Variants in DUSP22 observed in about 807,000 individuals in gnomAD.
DUSP22 encodes dual specificity protein phosphatase 22.
A neutral mutation model predicts 24.5 loss-of-function variants in DUSP22; 24 were observed. That is an observed-to-expected ratio of 0.98 (90% CI 0.71 to 1.38). The LOEUF (loss-of-function observed/expected upper bound fraction) is 1.38. Ranked by LOEUF, DUSP22 falls within the 40% of genes most tolerant of loss-of-function variation. The pLI, the probability that DUSP22 is intolerant of heterozygous loss-of-function variation, is 0.00. For missense variants in DUSP22, 330 were observed against 269.2 expected (o/e 1.23, Z -1.58); for synonymous variants, 160 against 106.4 (o/e 1.50, Z -3.10).
In DUSP22 at chr6:350,479, A is replaced by G. The variant is rs949362667; in HGVS notation, c.*1528A>G. Reference sequence around the variant, plus strand: ...CCACCACAAAAAGAGACCCTGAATAAGAAGAGCAGTTTTCCTGTGCATATA... The same window carrying G: ...CCACCACAAAAAGAGACCCTGAATAGGAAGAGCAGTTTTCCTGTGCATATA... On this transcript the variant is annotated 3_prime_UTR_variant, in exon 7 of 7. Coordinates refer to ENST00000419235, the MANE Select transcript of DUSP22 (RefSeq NM_001286555.3). 17 of 1,182,238 alleles carry G rather than the reference A, an allele frequency of 1.4e-5. No individual in the cohort carries two copies. The African/African-American group carries it at 2.5e-4, about 18-fold the overall frequency. The allele number at this position is 1,182,238 out of a possible 1,614,324, so 73.2% of individuals were successfully genotyped here. A position where few individuals can be genotyped will look rare whatever the true frequency, so the allele number is the denominator to read the frequency against.
At position 348,207 on chromosome 6, in the gene DUSP22, C is replaced by T. The variant is rs1371403572; in HGVS notation, c.368C>T (p.Ser123Phe). Residue 123 changes from serine (S) to phenylalanine (F), a missense_variant, in exon 6 of 7, where the codon TCC becomes TTC. Coordinates refer to ENST00000419235, the MANE Select transcript of DUSP22 (RefSeq NM_001286555.3). ...CTGCACACCGTGCGTGCTGGGAGAT[C>T]CTGTGCCAACCCCAACGTGGGCTTC... ...DALHTVRAGR[S>F]CANPNVGFQR... 6.2e-7 allele frequency: 1 copy of T among 1,614,314 alleles called. No homozygotes were observed. Among genetic ancestry groups the T allele is most frequent in the Admixed American group, 1.7e-5 (1 of 60,038 alleles).
chr6:346,909 G>A (rs1212500103), intron 5 of DUSP22, among the ~76,000 whole-genome samples: 2 of 152,300 alleles, frequency 1.3e-5, no homozygotes, highest in African/African-American at 4.8e-5. Context: ...GTGTTCTGAG[G>A]GCCGATAGGG....
At chr6:297,729 G>A (rs11754886) in intron 1 of DUSP22, among the ~76,000 whole-genome samples, 1 of 152,302 alleles carries the variant, frequency 6.6e-6, no homozygotes, top group Non-Finnish European at 1.5e-5. Context: ...TGTGTGATCT[G>A]GAACTGGAGA....
In DUSP22 at chr6:350,034, C is replaced by G. The variant is rs1482070268; in HGVS notation, c.*1083C>G. 1 of 985,542 alleles carries G rather than the reference C, an allele frequency of 1.0e-6. No individual in the cohort carries two copies. Among genetic ancestry groups the G allele is most frequent in the African/African-American group, 1.7e-5 (1 of 57,268 alleles). The allele number at this position is 985,542 out of a possible 1,614,324, so 61.0% of individuals were successfully genotyped here. A position where few individuals can be genotyped will look rare whatever the true frequency, so the allele number is the denominator to read the frequency against. On this transcript the variant is annotated 3_prime_UTR_variant, in exon 7 of 7. Coordinates refer to ENST00000419235, the MANE Select transcript of DUSP22 (RefSeq NM_001286555.3). ...CTGTAGCAATTTGCATTTTAAAATG[C>G]CTGAGCATTTATTAAGCTTCTTGGT...
At chr6:335,463 C>G (rs1228736907) in intron 4 of DUSP22, among the ~76,000 whole-genome samples, 4 of 152,306 alleles carry the variant, frequency 2.6e-5, no homozygotes, top group Non-Finnish European at 4.4e-5. Flanking sequence ...CATCTTTCCT[C>G]TAGAAATAAA....
chr6:297,563 ACAT>A (rs1384836347), intron 1 of DUSP22, among the ~76,000 whole-genome samples: 7 of 152,286 alleles, frequency 4.6e-5, no homozygotes, highest in African/African-American at 1.7e-4. Flanking sequence ...AGGTTTAGCA[ACAT>A]CTCAGATCTT....
chr6:298,129 T>G (rs1009416430), intron 1 of DUSP22, among the ~76,000 whole-genome samples: 20 of 152,294 alleles, frequency 1.3e-4, no homozygotes, highest in African/African-American at 4.8e-4. Context: ...GAGGGCTCTC[T>G]CTTTTCTCCA....
At chr6:300,753 A>T (rs1354485930) in intron 1 of DUSP22, among the ~76,000 whole-genome samples, 1 of 152,282 alleles carries the variant, frequency 6.6e-6, no homozygotes, top group Non-Finnish European at 1.5e-5. Context: ...ACTCTTCTGC[A>T]TTTATGCATT....
intron 2 of DUSP22, among the ~76,000 whole-genome samples, 192 bp from the exon 3 acceptor site, chr6:311,688 A>AT (rs397757289): frequency 3.5e-4 from 54 of 152,340 alleles, no homozygotes; most frequent in African/African-American, 1.3e-3. Flanking sequence ...TCAAAAAAAA[A>AT]CAAAAGAAAT....
At chr6:337,924 A>G (rs1385799952) in intron 4 of DUSP22, 4 of 152,640 alleles carry the variant, frequency 2.6e-5, no homozygotes, top group African/African-American at 7.2e-5. Flanking sequence ...AAGGCAAACT[A>G]GAAACGTGGG....
At chr6:295,799 CAAAAAA>C (rs61498181) in intron 1 of DUSP22, among the ~76,000 whole-genome samples, 2 of 137,972 alleles carry the variant, frequency 1.4e-5, no homozygotes, top group South Asian at 2.2e-4. Flanking sequence ...GACCCTGTTT[CAAAAAA>C]AAAAAAAAAA....
At position 349,103 on chromosome 6, in the gene DUSP22, C is replaced by T; in HGVS notation, c.*152C>T. Reference sequence around the variant, plus strand: ...CCTTCCCCCAAGCAACACCGCCCAGCCCTGCTCCAGGCCCCTGCACTCCGC... The same window carrying T: ...CCTTCCCCCAAGCAACACCGCCCAGTCCTGCTCCAGGCCCCTGCACTCCGC... On this transcript the variant is annotated 3_prime_UTR_variant, in exon 7 of 7. Transcript: ENST00000419235. 1 of 1,455,154 alleles carries T rather than the reference C, an allele frequency of 6.9e-7. No individual in the cohort carries two copies. Among genetic ancestry groups the T allele is most frequent in the Non-Finnish European group, 9.0e-7 (1 of 1,109,226 alleles). 90.1% of individuals were successfully genotyped at this position (1,455,154 alleles called of 1,614,324 possible). A position where few individuals can be genotyped will look rare whatever the true frequency, so the allele number is the denominator to read the frequency against.
At position 351,253 on chromosome 6, in the gene DUSP22, AT is replaced by A. The variant is rs1362186433; in HGVS notation, c.*2303del. 1 of 230,594 alleles carries A rather than the reference AT, an allele frequency of 4.3e-6. No individual in the cohort carries two copies. The highest frequency in any genetic ancestry group is 8.5e-6 in the Non-Finnish European group (1 of 118,112). 14.3% of individuals were successfully genotyped at this position (230,594 alleles called of 1,614,324 possible). ...GTTCTCAAATTCCCCAGCTTGGGAA[AT>A]AGCCCTTGGTGTGGGTTTTATCTCT... On this transcript the variant is annotated 3_prime_UTR_variant, in exon 7 of 7. Coordinates refer to ENST00000419235, the MANE Select transcript of DUSP22 (RefSeq NM_001286555.3).
At chr6:316,679 C>T (rs1264727663) in intron 3 of DUSP22, among the ~76,000 whole-genome samples, 4 of 152,412 alleles carry the variant, frequency 2.6e-5, no homozygotes, top group Middle Eastern at 3.4e-3. Context: ...GTAAAAATTT[C>T]GGTGTTTCAT....
intron 1 of DUSP22, among the ~76,000 whole-genome samples, chr6:296,646 T>TG (rs1444713601): frequency 6.6e-6 from 1 of 152,302 alleles, no homozygotes; most frequent in Non-Finnish European, 1.5e-5. Context: ...CTATCCTCAC[T>TG]GTCTACTTAT....
At chr6:311,225 C>A (rs1404438145) in intron 2 of DUSP22, among the ~76,000 whole-genome samples, 1 of 152,300 alleles carries the variant, frequency 6.6e-6, no homozygotes, top group East Asian at 1.9e-4. Context: ...GACCACATAG[C>A]AGATGGCTTC....
At chr6:346,170 T>C (rs753605820) in intron 5 of DUSP22, among the ~76,000 whole-genome samples, 86 of 152,264 alleles carry the variant, frequency 5.6e-4, no homozygotes, top group Non-Finnish European at 1.2e-3. Flanking sequence ...AGGATTTCTG[T>C]AGGGACCGTG....
At chr6:348,012 G>A in intron 5 of DUSP22, 91 bp from the exon 6 acceptor site, 1 of 1,551,388 alleles carries the variant, frequency 6.4e-7, no homozygotes, top group African/African-American at 1.4e-5. Flanking sequence ...TTCTGAACAA[G>A]GTCCTTAGAG....
intron 3 of DUSP22, among the ~76,000 whole-genome samples, chr6:333,707 C>T (rs1369913304): frequency 6.6e-6 from 1 of 152,310 alleles, no homozygotes; most frequent in Non-Finnish European, 1.5e-5. Context: ...AGCTCAGCGC[C>T]CACTTTGCCC....
Sources: allele counts gnomAD v4.1 joint callset (sites outside exome capture counted in the v4.1 genomes callset), GRCh38; gene constraint gnomAD v4.1.1; transcripts MANE v1.5; gene names NCBI Gene and HGNC (gene_info 2026-07-23, HGNC 2026-07-21).